STXBP4: variants seen among roughly 807,000 people sequenced by gnomAD.
STXBP4 encodes syntaxin-binding protein 4.
In STXBP4, 55 loss-of-function variants were observed where a neutral mutation model predicts 76.1. The ratio of observed to expected loss-of-function variants is 0.72; its 90% CI spans 0.58 to 0.91. The LOEUF (loss-of-function observed/expected upper bound fraction) is 0.91, where lower values mean the gene tolerates loss of function less well. Among genes scored for constraint, STXBP4 ranks in the 40% least tolerant of loss-of-function variants. STXBP4 has a pLI of 0.00. For missense variants in STXBP4, 618 were observed against 636.9 expected, an observed-to-expected ratio of 0.97 and a Z score of 0.32; for synonymous variants, 201 against 220.2, an observed-to-expected ratio of 0.91 and a Z score of 0.77.
Position 55,169,272 on chromosome 17 carries a change from A to G in STXBP4, c.*9361A>G, listed in dbSNP as rs1319208627. The G allele has an allele frequency of 6.6e-6, 1 of 151,096 alleles. No individual in the cohort carries two copies. Among genetic ancestry groups the G allele is most frequent in the Non-Finnish European group, 1.5e-5 (1 of 67,840 alleles). The allele number at this position is 151,096 out of a possible 1,614,324, so 9.4% of individuals were successfully genotyped here. On this transcript the variant is annotated 3_prime_UTR_variant, in exon 18 of 18. Coordinates refer to ENST00000376352, the MANE Select transcript of STXBP4 (RefSeq NM_178509.6). ...TGACTTTGGTTCACTCCCACGGGAG[A>G]GCCCTAGAGACAAAAAGGTTCTACA...
At chr17:55,082,897 GTTA>G (rs1470613083) in intron 16 of STXBP4, among the ~76,000 whole-genome samples, 6 of 151,972 alleles carry the variant, frequency 3.9e-5, no homozygotes, top group Non-Finnish European at 4.4e-5. Flanking sequence ...ATAAAATGAA[GTTA>G]TTATCCTTAA....
chr17:55,142,592 A>G (rs1323007291), intron 17 of STXBP4, among the ~76,000 whole-genome samples: 2 of 152,186 alleles, frequency 1.3e-5, no homozygotes, highest in Non-Finnish European at 2.9e-5. Flanking sequence ...TGCCCAATAA[A>G]TAGCCATCAT....
intron 16 of STXBP4, among the ~76,000 whole-genome samples, chr17:55,113,022 G>A (rs935021087): frequency 5.3e-5 from 8 of 152,062 alleles, no homozygotes; most frequent in African/African-American, 9.7e-5. Flanking sequence ...CAATTTACTC[G>A]AACACCATTT....
intron 16 of STXBP4, among the ~76,000 whole-genome samples, chr17:55,082,643 A>G (rs2079270727): frequency 6.6e-6 from 1 of 152,032 alleles, no homozygotes; most frequent in Admixed American, 6.6e-5. Context: ...ATCCCCAAAC[A>G]CTGTGACAAT....
intron 16 of STXBP4, among the ~76,000 whole-genome samples, chr17:55,117,599 G>GAAA (rs11452679): frequency 1.4e-5 from 2 of 147,090 alleles, no homozygotes; most frequent in Non-Finnish European, 1.5e-5. Context: ...TGCACTAATC[G>GAAA]AAAAAAAAAA....
the STXBP4 span, among the ~76,000 whole-genome samples, chr17:55,201,030 AT>A: frequency 1.3e-5 from 2 of 152,136 alleles, no homozygotes; most frequent in Non-Finnish European, 2.9e-5. Context: ...AGTTTTACAC[AT>A]GCTTTGCTTA....
Position 55,078,838 on chromosome 17 carries a change from T to C in STXBP4, c.1355+103T>C, listed in dbSNP as rs1598292338. The C allele has an allele frequency of 7.3e-6, 5 of 681,770 alleles. No homozygotes were observed. The East Asian group carries it at 1.4e-4, about 19-fold the overall frequency. The allele number at this position is 681,770 out of a possible 1,614,324, so 42.2% of individuals were successfully genotyped here. ...AAAAATCTCTTAAATAGTCCTAAGG[T>C]GCTACATAACTCCCATTGGATGCCA... On this transcript the variant is annotated intron_variant, in intron 15 of 17. Transcript: ENST00000376352.
chr17:55,177,511 A>G (rs546424500), downstream of STXBP4, among the ~76,000 whole-genome samples: 2 of 152,230 alleles, frequency 1.3e-5, no homozygotes, highest in African/African-American at 4.8e-5. Flanking sequence ...TAATTTCCCA[A>G]GGAAATCTGT....
At chr17:55,060,294 A>G (rs764425392) in intron 12 of STXBP4, among the ~76,000 whole-genome samples, 4 of 152,144 alleles carry the variant, frequency 2.6e-5, no homozygotes, top group African/African-American at 7.2e-5. Context: ...AAGAGTTCCT[A>G]TGCTTTAGTG....
chr17:55,031,409 C>G, intron 9 of STXBP4, 145 bp downstream of exon 9: 1 of 614,258 alleles, frequency 1.6e-6, no homozygotes. Context: ...AATCAGTACC[C>G]AAAGAACTCA....
the STXBP4 span, among the ~76,000 whole-genome samples, chr17:55,199,580 G>A: frequency 2.7e-4 from 41 of 152,244 alleles, 1 homozygote; most frequent in African/African-American, 6.5e-4. Flanking sequence ...AACTTCTAAC[G>A]TGACAGGAAA....
At chr17:55,029,781 T>G (rs1298301611) in intron 8 of STXBP4, among the ~76,000 whole-genome samples, 1 of 152,168 alleles carries the variant, frequency 6.6e-6, no homozygotes, top group Non-Finnish European at 1.5e-5. Flanking sequence ...GTGTTTTACT[T>G]ATTTCTTTAC....
intron 16 of STXBP4, among the ~76,000 whole-genome samples, chr17:55,128,688 T>A (rs1037471981): frequency 1.3e-5 from 2 of 152,218 alleles, no homozygotes; most frequent in African/African-American, 4.8e-5. Context: ...CGATCTTGGC[T>A]CACTGCAACG....
the STXBP4 span, among the ~76,000 whole-genome samples, chr17:55,208,179 T>C: frequency 1.3e-5 from 2 of 151,740 alleles, no homozygotes; most frequent in Admixed American, 1.3e-4. Context: ...AGTTCTAATC[T>C]GGGCTTGGCT....
chr17:55,048,945 T>C (rs1346235992), intron 12 of STXBP4, among the ~76,000 whole-genome samples: 1 of 151,966 alleles, frequency 6.6e-6, no homozygotes, highest in Non-Finnish European at 1.5e-5. Flanking sequence ...AAGATTACTG[T>C]ACAATATATT....
intron 12 of STXBP4, among the ~76,000 whole-genome samples, chr17:55,059,185 A>G (rs1350621816): frequency 2.0e-5 from 3 of 152,168 alleles, no homozygotes; most frequent in Non-Finnish European, 4.4e-5. Flanking sequence ...AAGTATTTTA[A>G]TTTAATTACT....
At chr17:55,085,755 CA>C (rs2079317921) in intron 16 of STXBP4, among the ~76,000 whole-genome samples, 2 of 152,208 alleles carry the variant, frequency 1.3e-5, no homozygotes, top group East Asian at 3.9e-4. Context: ...TCTGATTTCA[CA>C]ACTGTGTTAT....
downstream of STXBP4, among the ~76,000 whole-genome samples, chr17:55,175,032 CA>C (rs1470475915): frequency 2.0e-5 from 3 of 150,688 alleles, no homozygotes; most frequent in Non-Finnish European, 4.4e-5. Context: ...AAAAAAAAAA[CA>C]AACAAAACAT....
chr17:55,009,550 A>T (rs1439819279), intron 8 of STXBP4, among the ~76,000 whole-genome samples: 6 of 152,150 alleles, frequency 3.9e-5, no homozygotes, highest in Non-Finnish European at 8.8e-5. Context: ...GATTCTGAGA[A>T]ATATGAGTTG....
Sources: allele counts gnomAD v4.1 joint callset (sites outside exome capture counted in the v4.1 genomes callset), GRCh38; gene constraint gnomAD v4.1.1; transcripts MANE v1.5; gene names NCBI Gene and HGNC (gene_info 2026-07-23, HGNC 2026-07-21).